MYT1: variants seen among roughly 807,000 people sequenced by gnomAD.
MYT1 encodes the protein myelin transcription factor I.
A neutral mutation model predicts 123.0 loss-of-function variants in MYT1; 23 were observed. The ratio of observed to expected loss-of-function variants is 0.19; its 90% CI spans 0.13 to 0.26. The LOEUF (loss-of-function observed/expected upper bound fraction) is 0.26, where lower values mean the gene tolerates loss of function less well. Among genes scored for constraint, MYT1 ranks in the 10% least tolerant of loss-of-function variants. The pLI is 1.00. For synonymous variants in MYT1, 518 were observed against 575.3 expected (o/e 0.90, Z 1.43); for missense variants, 1,125 against 1,472.5 (o/e 0.76, Z 3.86).
At chr20:64,198,472 A>C (rs1414834957) in intron 2 of MYT1, among the ~76,000 whole-genome samples, 1 of 152,092 alleles carries the variant, frequency 6.6e-6, no homozygotes, top group Admixed American at 6.5e-5. Context: ...CCAGGTGAGC[A>C]GTGGGTGCTG....
chr20:64,239,301 G>C (rs148455618), intron 21 of MYT1, among the ~76,000 whole-genome samples: 41 of 152,278 alleles, frequency 2.7e-4, no homozygotes, highest in Non-Finnish European at 4.9e-4. Context: ...CACTCCACGG[G>C]GGGGTGCAGT....
rs370997138 is a variant in MYT1, at chr20:64,239,189, G to A, written c.3094-571G>A. Among the ~76,000 whole-genome samples, 274 of 152,368 alleles carry A rather than the reference G, an allele frequency of 1.8e-3. 10 individuals are homozygous for A. The South Asian group carries it at 0.054, about 30-fold the overall frequency. On this transcript the variant is annotated intron_variant, in intron 21 of 22. Transcript: ENST00000328439. ...GTTCACCGCCATGGTGGGGAAGTGAGAAGACTTGCCTGTAGTTGGCCTGGG... is the reference window on the plus strand; with the variant it reads ...GTTCACCGCCATGGTGGGGAAGTGAAAAGACTTGCCTGTAGTTGGCCTGGG...
At chr20:64,220,093 A>G in intron 13 of MYT1, 111 bp downstream of exon 13, 1 of 1,391,814 alleles carries the variant, frequency 7.2e-7, no homozygotes, top group Non-Finnish European at 9.3e-7. Context: ...GGCTTCTGGA[A>G]GAGCCTCGGG....
intron 18 of MYT1, among the ~76,000 whole-genome samples, chr20:64,229,701 G>C (rs1239057654): frequency 4.6e-5 from 7 of 152,242 alleles, no homozygotes; most frequent in African/African-American, 1.7e-4. Flanking sequence ...GATTTCGTCA[G>C]CATGCATGAG....
rs180808506 is a variant in MYT1 at position 64,192,691 on chromosome 20, A to G, written c.-1+2531A>G. Among the ~76,000 whole-genome samples, 2 of 152,322 alleles carry G rather than the reference A, an allele frequency of 1.3e-5. No homozygotes were observed. The highest frequency in any genetic ancestry group is 4.8e-5 in the African/African-American group (2 of 41,572). ...AGCTCCTCAACCCCCTTCTTGCCAA[A>G]TATTCAGAGATATGGAATCAAGGAA... On this transcript the variant is annotated intron_variant, in intron 2 of 22. Transcript: ENST00000328439. The surrounding 1 kb of genome is among the most constrained non-coding windows in gnomAD (Gnocchi z 5.3).
At chr20:64,198,584 C>T (rs1182762658) in intron 2 of MYT1, among the ~76,000 whole-genome samples, 1 of 152,224 alleles carries the variant, frequency 6.6e-6, no homozygotes, top group Non-Finnish European at 1.5e-5. Flanking sequence ...AGGTGCAAAC[C>T]TGGGGGCACG....
Position 64,205,082 on chromosome 20 carries a change from A to T in MYT1, c.134A>T (p.Tyr45Phe). 6.2e-7 allele frequency: 1 copy of T among 1,613,952 alleles called. No homozygotes were observed. Among genetic ancestry groups the T allele is most frequent in the Non-Finnish European group, 8.5e-7 (1 of 1,180,002 alleles). Residue 45 changes from tyrosine (Y) to phenylalanine (F), a missense_variant, in exon 5 of 23, where the codon TAC becomes TTC. Physicochemically the swap from Tyr to Phe is conservative, Grantham distance 22. Around this residue, in one of 4 missense-constraint regions of MYT1, gnomAD observed 406 missense variants for 432.2 expected, o/e 0.94. Coordinates refer to ENST00000328439, the MANE Select transcript of MYT1 (RefSeq NM_004535.3). ...GGCTCAGGGCACGTCCGGGGCAAGTACTCCAGGCACCGAAGGTAAGAGGAC... is the reference window on the plus strand; with the variant it reads ...GGCTCAGGGCACGTCCGGGGCAAGTTCTCCAGGCACCGAAGGTAAGAGGAC... ...CTGSGHVRGK[Y>F]SRHRSLQSCP...
chr20:64,233,987 G>A (rs1183757416), intron 19 of MYT1, among the ~76,000 whole-genome samples: 1 of 152,234 alleles, frequency 6.6e-6, no homozygotes, highest in Non-Finnish European at 1.5e-5. Context: ...AGAAGGCAGA[G>A]GAGAGACTAG....
rs1359684399 is a variant in MYT1 at position 64,219,957 on chromosome 20, G to T, written c.2216G>T (p.Arg739Leu). ...CCCCTGGACTACACCAAGCCTAGCC[G>T]CCTGAGAGAGGAGGAACCTGAGGAG... is the stretch of plus-strand genomic sequence containing the variant. ...DRPLDYTKPS[R>L]LREEEPEESE... The change falls in exon 13 of 23, where the codon CGC (arginine) becomes CTC (leucine). Residue 739 changes from arginine (R) to leucine (L), a missense_variant. Transcript: ENST00000328439. 1.3e-6 allele frequency: 2 copies of T among 1,516,266 alleles called. No homozygotes were observed. The highest frequency in any genetic ancestry group is 8.9e-7 in the Non-Finnish European group (1 of 1,128,464). 93.9% of individuals were successfully genotyped at this position (1,516,266 alleles called of 1,614,324 possible).
intron 1 of MYT1, among the ~76,000 whole-genome samples, chr20:64,177,818 C>T (rs1242468010): frequency 6.6e-6 from 1 of 152,230 alleles, no homozygotes; most frequent in East Asian, 1.9e-4. Context: ...GTTTCTAGGG[C>T]ATGGGTTCCA....
At chr20:64,210,316 A>G (rs1290061974) in intron 7 of MYT1, among the ~76,000 whole-genome samples, 2 of 152,214 alleles carry the variant, frequency 1.3e-5, no homozygotes, top group Non-Finnish European at 2.9e-5. Flanking sequence ...TGCAACGTGA[A>G]CGTGCGGTTC....
At chr20:64,201,984 G>A (rs1039396303) in intron 4 of MYT1, among the ~76,000 whole-genome samples, 1 of 148,276 alleles carries the variant, frequency 6.7e-6, no homozygotes, top group Non-Finnish European at 1.5e-5. Flanking sequence ...GGGAACCCCC[G>A]CGTGTCGGGA....
At chr20:64,236,751 C>T (rs1601727410) in intron 20 of MYT1, 105 bp downstream of exon 20, 2 of 979,228 alleles carry the variant, frequency 2.0e-6, no homozygotes, top group East Asian at 2.4e-5. Flanking sequence ...AGATGAAGCC[C>T]CTCCTGGAAT....
chr20:64,210,421 G>A (rs866418542), intron 7 of MYT1, among the ~76,000 whole-genome samples: 4 of 152,338 alleles, frequency 2.6e-5, no homozygotes, highest in Middle Eastern at 3.4e-3. Flanking sequence ...GCCGGTGTTG[G>A]GCACGGGTTT....
At chr20:64,224,777 T>C (rs1984119591) in intron 16 of MYT1, among the ~76,000 whole-genome samples, 1 of 152,174 alleles carries the variant, frequency 6.6e-6, no homozygotes, top group Non-Finnish European at 1.5e-5. Context: ...CCGTGATTAG[T>C]CTCCATGGTT....
chr20:64,195,400 A>AATTTTT (rs1568704696), intron 2 of MYT1, among the ~76,000 whole-genome samples: 148 of 7,820 alleles, frequency 0.019, 9 homozygotes, highest in African/African-American at 0.12. Flanking sequence ...GTGTGTGTAT[A>AATTTTT]CTTTTTTTTT....
At chr20:64,209,423 CT>C (rs1371337091) in intron 7 of MYT1, among the ~76,000 whole-genome samples, 3 of 152,210 alleles carry the variant, frequency 2.0e-5, no homozygotes, top group African/African-American at 7.2e-5. Context: ...CACCTGGGCA[CT>C]TGGCCTCTAT....
At position 64,228,933 on chromosome 20, in the gene MYT1, T is replaced by C. The variant is rs1000662884; in HGVS notation, c.2675+962T>C. Among the ~76,000 whole-genome samples, 5 of 152,274 alleles carry C rather than the reference T, an allele frequency of 3.3e-5. No homozygotes were observed. In the South Asian group the frequency reaches 1.0e-3, roughly 32 times the overall value. Reference sequence around the variant, plus strand: ...CGCAGGAAGCAGGTTGCCCTCGTTGTGTTACCTGCTGGGCCAAGAGCAGCC... The same window carrying C: ...CGCAGGAAGCAGGTTGCCCTCGTTGCGTTACCTGCTGGGCCAAGAGCAGCC... On this transcript the variant is annotated intron_variant, in intron 18 of 22. Coordinates refer to ENST00000328439, the MANE Select transcript of MYT1 (RefSeq NM_004535.3).
chr20:64,211,279 G>C lies in MYT1; in HGVS notation c.1365G>C (p.Gly455=). The change falls in exon 8 of 23, where the codon GGG becomes GGC. Residue 455 remains glycine, a synonymous_variant. Transcript: ENST00000328439. The part of the protein sequence containing the change: ...PGCDGTGHVT[G]LYPHHRSLSG... ...GTGATGGCACTGGCCACGTTACCGGGTTGTACCCTCACCACCGCAGCCTTT... is the reference window on the plus strand; with the variant it reads ...GTGATGGCACTGGCCACGTTACCGGCTTGTACCCTCACCACCGCAGCCTTT... 1 of 1,614,074 alleles carries C rather than the reference G, an allele frequency of 6.2e-7. No individual in the cohort carries two copies. Among genetic ancestry groups the C allele is most frequent in the East Asian group, 2.2e-5 (1 of 44,884 alleles).
Sources: gnomAD v4.1 joint callset for allele counts (sites outside exome capture counted in the v4.1 genomes callset) on GRCh38, gnomAD v4.1.1 for gene constraint, gnomAD v4.1.1 regional missense constraint, Gnocchi (gnomAD v3.1) non-coding constraint, MANE v1.5 for transcripts, NCBI Gene and HGNC (gene_info 2026-07-23, HGNC 2026-07-21) for gene names.